USP9X: variants seen among roughly 807,000 people sequenced by gnomAD.
The protein encoded by USP9X is ubiquitin carboxyl-terminal hydrolase 9X.
Under a neutral mutation model 190.3 loss-of-function variants are expected in USP9X, and 7 were observed. The ratio of observed to expected loss-of-function variants is 0.04; its 90% confidence interval spans 0.02 to 0.07. USP9X has a LOEUF of 0.07. Among genes scored for constraint, USP9X ranks in the 10% least tolerant of loss-of-function variants. The pLI, the probability that USP9X is intolerant of heterozygous loss-of-function variation, is 1.00. For missense variants in USP9X, 1,010 were observed against 1,916.9 expected, an observed-to-expected ratio of 0.53 and a Z score of 8.83; for synonymous variants, 645 against 659.5, an observed-to-expected ratio of 0.98 and a Z score of 0.34.
chrX:41,146,816 TTA>T (rs1198375076), intron 11 of USP9X, among the ~76,000 whole-genome samples: 2 of 107,634 alleles, frequency 1.9e-5, no homozygotes, highest in Non-Finnish European at 3.8e-5. Context: ...CCCAATTTGG[TTA>T]TCTTTTTCAT....
Position 41,170,181 on chromosome X carries a change from A to G in USP9X, c.2823A>G (p.Ile941Met), listed in dbSNP as rs1294223100. 8.3e-7 allele frequency: 1 copy of G among 1,209,727 alleles called. No homozygotes were observed. The highest frequency in any genetic ancestry group is 1.1e-6 in the Non-Finnish European group (1 of 894,896). Residue 941 changes from isoleucine to methionine, a missense_variant, in exon 19 of 45, where the codon ATA becomes ATG. Physicochemically the swap from Ile to Met is conservative, Grantham distance 10. Coordinates refer to ENST00000378308, the MANE Select transcript of USP9X (RefSeq NM_001039591.3). ...KIELFVGGEL[I>M]DPADDRKLIG... ...AGCTCTTTGTGGGCGGTGAGCTGAT[A>G]GATCCTGCAGATGATAGAAAGTTGA...
At chrX:41,163,760 T>A (rs76887624) in intron 15 of USP9X, among the ~76,000 whole-genome samples, 141 of 110,541 alleles carry the variant, frequency 1.3e-3, no homozygotes, top group Non-Finnish European at 3.6e-4. Flanking sequence ...ATTTTTTTTT[T>A]AAATGAGAGG....
At chrX:41,172,904 T>C (rs1183211769) in intron 21 of USP9X, among the ~76,000 whole-genome samples, 6 of 111,800 alleles carry the variant, frequency 5.4e-5, no homozygotes, top group Non-Finnish European at 9.4e-5. Context: ...TGACCTTCGT[T>C]TCTGGAAGTT....
chrX:41,205,887 C>CTTTTTTTTTTT (rs751427663), intron 32 of USP9X, among the ~76,000 whole-genome samples: 1 of 87,143 alleles, frequency 1.1e-5, no homozygotes, highest in African/African-American at 4.1e-5. Flanking sequence ...TTTTCTTTTT[C>CTTTTTTTTTTT]TTTTTTTCTT....
chrX:41,149,183 C>G (rs776104588), intron 12 of USP9X, among the ~76,000 whole-genome samples: 17 of 111,919 alleles, frequency 1.5e-4, no homozygotes, highest in Non-Finnish European at 3.2e-4. Context: ...ACTATGTTTA[C>G]TTGTGACAGT....
chrX:41,197,736 T>C (rs1184531401), intron 29 of USP9X, among the ~76,000 whole-genome samples: 4 of 111,578 alleles, frequency 3.6e-5, no homozygotes, highest in Non-Finnish European at 3.8e-5. Flanking sequence ...ATGGCTGGAC[T>C]TGCTGGCCTC....
At chrX:41,151,108 A>T (rs1569169689) in intron 13 of USP9X, 51 bp downstream of exon 13, 1 of 1,122,479 alleles carries the variant, frequency 8.9e-7, no homozygotes, top group Non-Finnish European at 1.2e-6. Flanking sequence ...TATGTACTTT[A>T]TTGAAAAGAA....
chrX:41,146,324 A>G (rs1206885585), intron 11 of USP9X, among the ~76,000 whole-genome samples: 3 of 112,001 alleles, frequency 2.7e-5, no homozygotes, highest in African/African-American at 9.7e-5. Flanking sequence ...AAATCTGGCA[A>G]TTCTTATGGA....
chrX:41,229,963 G>A (rs2063345680), intron 43 of USP9X, 184 bp downstream of exon 43: 8 of 770,314 alleles, frequency 1.0e-5, no homozygotes, highest in Non-Finnish European at 1.4e-5. Context: ...CACTTTGGGA[G>A]GCCGAGGCAG....
intron 2 of USP9X, among the ~76,000 whole-genome samples, chrX:41,124,152 C>T (rs2062215661): frequency 9.0e-6 from 1 of 110,646 alleles, no homozygotes; most frequent in African/African-American, 3.3e-5. Flanking sequence ...TTTTGATTAA[C>T]AAAAGTGAAC....
chrX:41,149,333 T>C (rs7889451), intron 12 of USP9X, among the ~76,000 whole-genome samples: 21,496 of 111,115 alleles, frequency 0.19, 1,595 homozygotes, highest in Admixed American at 0.27. Flanking sequence ...AGTAACTTCT[T>C]TTTTAAATAT....
chrX:41,230,819 T>C (rs924336202), intron 44 of USP9X, among the ~76,000 whole-genome samples: 2 of 111,678 alleles, frequency 1.8e-5, no homozygotes, highest in Admixed American at 9.5e-5. Flanking sequence ...AAGGTGTCCT[T>C]CTTGTGCTAG....
At chrX:41,140,604 C>A in intron 6 of USP9X, 52 bp from the exon 7 acceptor site, 1 of 933,621 alleles carries the variant, frequency 1.1e-6, no homozygotes, top group South Asian at 2.2e-5. Flanking sequence ...TTTTTTCGTG[C>A]TTTTTACCCT....
intron 1 of USP9X, among the ~76,000 whole-genome samples, chrX:41,093,925 C>A (rs759955891): frequency 5.4e-5 from 6 of 112,042 alleles, no homozygotes; most frequent in African/African-American, 1.9e-4. Context: ...ACTTCTCTCA[C>A]ATTTTCGGGA....
At chrX:41,121,498 G>C (rs1318015481) in intron 1 of USP9X, among the ~76,000 whole-genome samples, 2 of 111,492 alleles carry the variant, frequency 1.8e-5, no homozygotes, top group Non-Finnish European at 3.8e-5. Context: ...AAAATACTTG[G>C]GTATTAATAT....
chrX:41,104,904 A>G (rs1455785002), intron 1 of USP9X, among the ~76,000 whole-genome samples: 1 of 111,824 alleles, frequency 8.9e-6, no homozygotes, highest in African/African-American at 3.3e-5. Context: ...GGTACCAAAA[A>G]CTAACAATGT....
chrX:41,205,631 G>T, intron 32 of USP9X, 138 bp downstream of exon 32: 1 of 477,861 alleles, frequency 2.1e-6, no homozygotes, highest in Non-Finnish European at 3.0e-6. Context: ...TTAATTGGGT[G>T]GGTTTTTTTT....
intron 26 of USP9X, among the ~76,000 whole-genome samples, chrX:41,194,617 G>A (rs1256890448): frequency 9.0e-6 from 1 of 111,551 alleles, no homozygotes; most frequent in Middle Eastern, 4.2e-3. Context: ...AGACAGAAAT[G>A]TAGTTATCCA....
chrX:41,187,923 A>G lies in USP9X; in HGVS notation c.3685-69A>G, dbSNP rs1285547555. 8.4e-6 allele frequency: 9 copies of G among 1,076,434 alleles called. No homozygotes were observed. In the African/African-American group the frequency reaches 1.3e-4, roughly 16 times the overall value. The allele number at this position is 1,076,434 out of a possible 1,213,427, so 88.7% of individuals were successfully genotyped here. ...TCCTATTTCCTTTACAAAGTGAAAC[A>G]TTTTTGTTTTTCTAAACATAATTTC... is the stretch of plus-strand genomic sequence containing the variant. On this transcript the variant is annotated intron_variant, in intron 24 of 44. Coordinates refer to ENST00000378308, the MANE Select transcript of USP9X (RefSeq NM_001039591.3).
Sources: allele counts gnomAD v4.1 joint callset (sites outside exome capture counted in the v4.1 genomes callset), GRCh38; gene constraint gnomAD v4.1.1; transcripts MANE v1.5; gene names NCBI Gene and HGNC (gene_info 2026-07-23, HGNC 2026-07-21).